The following COL9A1 variants were observed in gnomAD, a reference collection of about 807,000 sequenced individuals.
COL9A1 encodes the protein collagen alpha-1(IX) chain.
COL9A1 carries 104 observed loss-of-function variants against 142.6 expected under a neutral mutation model. That is an observed-to-expected ratio of 0.73 (90% CI 0.62 to 0.86). The LOEUF is 0.86. Ranked by LOEUF, COL9A1 falls within the 40% of genes least tolerant of loss-of-function variation. The pLI, the probability that COL9A1 is intolerant of heterozygous loss-of-function variation, is 0.00. For synonymous variants in COL9A1, 466 were observed against 396.0 expected, an observed-to-expected ratio of 1.18 and a Z score of -2.10; for missense variants, 1,210 against 1,176.6, an observed-to-expected ratio of 1.03 and a Z score of -0.42.
At chr6:70,271,600 A>G (rs2127590706) in intron 14 of COL9A1, 55 bp downstream of exon 14, 2 of 1,545,232 alleles carry the variant, frequency 1.3e-6, no homozygotes, top group Non-Finnish European at 1.8e-6. Context: ...GCTTTCCCAA[A>G]TAACATCTTC....
rs752065652 is a variant in COL9A1 at position 70,254,458 on chromosome 6, A to G, written c.1719+18T>C. On this transcript the variant is annotated intron_variant, in intron 25 of 37. Transcript: ENST00000357250. ...CATGTATATAAACCAATTAACATGT[A>G]AAGAATCAAATACTTACTGGTAACC... The G allele has an allele frequency of 2.1e-5, 34 of 1,613,048 alleles. No homozygotes were observed. Among genetic ancestry groups the G allele is most frequent in the Non-Finnish European group, 2.7e-5 (32 of 1,179,016 alleles).
intron 5 of COL9A1, among the ~76,000 whole-genome samples, chr6:70,284,951 C>T (rs906853187): frequency 6.6e-6 from 1 of 152,170 alleles, no homozygotes; most frequent in Non-Finnish European, 1.5e-5. Flanking sequence ...CAGTTGAGAT[C>T]ACTGGACAGA....
rs750538159 is a variant in COL9A1, at chr6:70,217,026, G to A, written c.2637C>T (p.Pro879=). 5 of 1,614,040 alleles carry A rather than the reference G, an allele frequency of 3.1e-6. No individual in the cohort carries two copies. Among genetic ancestry groups the A allele is most frequent in the Non-Finnish European group, 2.5e-6 (3 of 1,180,024 alleles). Residue 879 remains proline (P), a synonymous_variant, in exon 38 of 38, where the codon CCC becomes CCT. Transcript: ENST00000357250. ...GRNGRDGERG[P]PGVAGIPGVP... ...CTCCAGGAATTCCTGCCACCCCTGG[G>A]GGGCCTCGCTCACCGTCTCGGCCAT... is the stretch of plus-strand genomic sequence containing the variant.
At chr6:70,243,774 C>T (rs764073920) in intron 28 of COL9A1, among the ~76,000 whole-genome samples, 6 of 152,278 alleles carry the variant, frequency 3.9e-5, no homozygotes, top group African/African-American at 7.2e-5. Flanking sequence ...GTGATCCGCC[C>T]GCCTTGGCCT....
chr6:70,280,738 C>CG, intron 10 of COL9A1, 74 bp downstream of exon 10: 5 of 1,510,442 alleles, frequency 3.3e-6, no homozygotes, highest in Non-Finnish European at 4.5e-6. Context: ...TCCCTCCCCC[C>CG]CCACAAAACA....
At chr6:70,266,616 A>C (rs1772033232) in intron 18 of COL9A1, 101 bp downstream of exon 18, 1 of 938,302 alleles carries the variant, frequency 1.1e-6, no homozygotes, top group African/African-American at 1.6e-5. Flanking sequence ...GAATGGTAAA[A>C]TATCGAGGTT....
intron 16 of COL9A1, among the ~76,000 whole-genome samples, chr6:70,269,161 A>G (rs1772233707): frequency 6.6e-6 from 1 of 152,176 alleles, no homozygotes; most frequent in South Asian, 2.1e-4. Flanking sequence ...CTAATTTATT[A>G]AGGAAAATAT....
At chr6:70,224,190 T>TC (rs1320782051) in intron 37 of COL9A1, among the ~76,000 whole-genome samples, 2 of 152,178 alleles carry the variant, frequency 1.3e-5, no homozygotes, top group Non-Finnish European at 2.9e-5. Context: ...CAAATGATGA[T>TC]CTTGTCCTGC....
At chr6:70,282,111 G>A (rs1238341875) in intron 7 of COL9A1, among the ~76,000 whole-genome samples, 1 of 152,076 alleles carries the variant, frequency 6.6e-6, no homozygotes, top group African/African-American at 2.4e-5. Context: ...CCCTTTTATC[G>A]CTTGCAAACA....
chr6:70,256,323 A>T (rs1406378898), intron 21 of COL9A1, among the ~76,000 whole-genome samples: 1 of 152,184 alleles, frequency 6.6e-6, no homozygotes, highest in Non-Finnish European at 1.5e-5. Flanking sequence ...TTATCAATGG[A>T]TGGCTTTTTT....
downstream of COL9A1, chr6:70,215,575 A>G (rs1768452825): frequency 6.6e-6 from 1 of 152,254 alleles, no homozygotes; most frequent in African/African-American, 2.4e-5. Flanking sequence ...ATGAAACAGC[A>G]AGCCAATATG....
intron 36 of COL9A1, among the ~76,000 whole-genome samples, chr6:70,231,827 C>G (rs1769566812): frequency 6.6e-6 from 1 of 152,028 alleles, no homozygotes; most frequent in Non-Finnish European, 1.5e-5. Flanking sequence ...TTATTTAGTC[C>G]TCTCTGTAAA....
At chr6:70,250,345 G>C (rs1017922650) in intron 28 of COL9A1, among the ~76,000 whole-genome samples, 3 of 152,128 alleles carry the variant, frequency 2.0e-5, no homozygotes, top group Non-Finnish European at 4.4e-5. Context: ...AATCTTCCTG[G>C]GCTAGTCATA....
intron 36 of COL9A1, 125 bp from the exon 37 acceptor site, chr6:70,226,134 T>C (rs1769212132): frequency 1.2e-6 from 1 of 800,078 alleles, no homozygotes; most frequent in South Asian, 1.5e-5. Flanking sequence ...TAAACTAGAT[T>C]GTAGTGAGTA....
chr6:70,227,265 G>A (rs751036844), intron 36 of COL9A1, among the ~76,000 whole-genome samples: 100 of 151,722 alleles, frequency 6.6e-4, no homozygotes, highest in Middle Eastern at 3.4e-3. Flanking sequence ...TTCAAAATAT[G>A]AAGGGTTCCT....
At position 70,300,186 on chromosome 6, in the gene COL9A1, G is replaced by T. The variant is rs370460481; in HGVS notation, c.167-11C>A. On this transcript the variant is annotated splice_polypyrimidine_tract_variant and intron_variant, in intron 3 of 37. Transcript: ENST00000357250. Reference sequence around the variant, plus strand: ...AGATCAGATCAAACCCTATAGAATGGGAATACAAAATGAAAAGTCTAAAAT... The same window carrying T: ...AGATCAGATCAAACCCTATAGAATGTGAATACAAAATGAAAAGTCTAAAAT... 4 of 1,613,244 alleles carry T rather than the reference G, an allele frequency of 2.5e-6. No individual in the cohort carries two copies. The highest frequency in any genetic ancestry group is 3.4e-6 in the Non-Finnish European group (4 of 1,179,738).
Position 70,216,943 on chromosome 6 carries a change from G to C in COL9A1, c.2720C>G (p.Thr907Ser). The change falls in exon 38 of 38, where the codon ACC (threonine) becomes AGC (serine). Residue 907 changes from threonine (T) to serine (S), a missense_variant. By Grantham distance (58) the Thr-to-Ser change is moderately conservative (BLOSUM62 1). Transcript: ENST00000357250. ...AAATGCTCGCTGACCAGCCTGCATG[G>C]TGCAGGAGGCTGGCTCACAGAAACC... ...LPGFCEPASC[T>S]MQAGQRAFNK... is the part of the protein sequence containing the mutation. 3 of 1,614,150 alleles carry C rather than the reference G, an allele frequency of 1.9e-6. No homozygotes were observed. Among genetic ancestry groups the C allele is most frequent in the Non-Finnish European group, 2.5e-6 (3 of 1,180,022 alleles).
chr6:70,253,414 G>T lies in COL9A1; in HGVS notation c.1735C>A (p.Pro579Thr). 1.2e-6 allele frequency: 2 copies of T among 1,606,650 alleles called. No homozygotes were observed. Among genetic ancestry groups the T allele is most frequent in the South Asian group, 1.1e-5 (1 of 90,564 alleles). Reference sequence around the variant, plus strand: ...TCACCAGCAACACCCTTTGCACCAGGAATTCCAGGTACACCCTAAAAGAAT... The same window carrying T: ...TCACCAGCAACACCCTTTGCACCAGTAATTCCAGGTACACCCTAAAAGAAT... Reference protein sequence around the residue: ...LQGLPGVPGIPGAKGVAGEKG... With the variant: ...LQGLPGVPGITGAKGVAGEKG... The change falls in exon 26 of 38, where the codon CCT becomes ACT. Residue 579 changes from proline (P) to threonine (T), a missense_variant. By Grantham distance (38) the Pro-to-Thr change is conservative. Coordinates refer to ENST00000357250, the MANE Select transcript of COL9A1 (RefSeq NM_001851.6).
intron 18 of COL9A1, 104 bp downstream of exon 18, chr6:70,266,613 A>G (rs1772033015): frequency 1.1e-6 from 1 of 926,138 alleles, no homozygotes; most frequent in African/African-American, 1.6e-5. Flanking sequence ...AAAGAATGGT[A>G]AAATATCGAG....
Sources: gnomAD v4.1 joint callset for allele counts (sites outside exome capture counted in the v4.1 genomes callset) on GRCh38, gnomAD v4.1.1 for gene constraint, MANE v1.5 for transcripts, NCBI Gene and HGNC (gene_info 2026-07-23, HGNC 2026-07-21) for gene names.